The following ZSWIM9 variants were observed in gnomAD, a reference collection of about 807,000 sequenced individuals.
ZSWIM9 encodes zinc finger SWIM-type containing 9.
A neutral mutation model predicts 25.0 loss-of-function variants in ZSWIM9; 11 were observed. The ratio of observed to expected loss-of-function variants is 0.44; its 90% CI spans 0.28 to 0.73. The LOEUF is 0.73. Ranked by LOEUF, ZSWIM9 falls within the 30% of genes least tolerant of loss-of-function variation. The pLI is 0.16. For missense variants in ZSWIM9, 1,070 were observed against 1,296.5 expected, an observed-to-expected ratio of 0.83 and a Z score of 2.68; for synonymous variants, 562 against 582.1, an observed-to-expected ratio of 0.97 and a Z score of 0.50.
intron 2 of ZSWIM9, among the ~76,000 whole-genome samples, chr19:48,177,291 C>T (rs929094954): frequency 1.3e-5 from 2 of 151,920 alleles, no homozygotes; most frequent in Admixed American, 6.6e-5. Flanking sequence ...ATGGGTAGGA[C>T]GTGGTGATGG....
At chr19:48,183,417 A>G (rs1055160647) in intron 3 of ZSWIM9, among the ~76,000 whole-genome samples, 6 of 151,964 alleles carry the variant, frequency 3.9e-5, no homozygotes, top group East Asian at 1.9e-4. Context: ...GAGAGCCACC[A>G]CGCCCGGCCT....
At position 48,195,911 on chromosome 19, in the gene ZSWIM9, A is replaced by C; in HGVS notation, c.1847A>C (p.Tyr616Ser). The C allele has an allele frequency of 1.4e-6, 2 of 1,384,080 alleles. No individual in the cohort carries two copies. The highest frequency in any genetic ancestry group is 1.9e-6 in the Non-Finnish European group (2 of 1,073,796). The allele number at this position is 1,384,080 out of a possible 1,614,324, so 85.7% of individuals were successfully genotyped here. A position where few individuals can be genotyped will look rare whatever the true frequency, so the allele number is the denominator to read the frequency against. Residue 616 changes from tyrosine (Y) to serine (S), a missense_variant, in exon 4 of 4, where the codon TAT (tyrosine) becomes TCT (serine). Around this residue, in one of 4 missense-constraint regions of ZSWIM9, gnomAD observed 583 missense variants for 624.7 expected, o/e 0.93. Coordinates refer to ENST00000614654, the MANE Select transcript of ZSWIM9 (RefSeq NM_199341.4). This position sits in a 1 kb window ranked among gnomAD's most constrained non-coding sequence, Gnocchi z 5.8. ...TTDLRGTQFDYERVRSLEGSP... is the reference protein window; with the variant it reads ...TTDLRGTQFDSERVRSLEGSP... ...GACCTGAGGGGGACCCAGTTTGACT[A>C]TGAGAGGGTCAGGAGTCTTGAAGGA...
At chr19:48,188,216 G>A (rs1467856936) in intron 3 of ZSWIM9, among the ~76,000 whole-genome samples, 2 of 151,864 alleles carry the variant, frequency 1.3e-5, no homozygotes, top group Non-Finnish European at 2.9e-5. Context: ...CACCCAGGGA[G>A]GTGTTAATAC....
intron 2 of ZSWIM9, among the ~76,000 whole-genome samples, chr19:48,174,091 C>T (rs184896993): frequency 6.6e-6 from 1 of 151,894 alleles, no homozygotes; most frequent in Non-Finnish European, 1.5e-5. Context: ...TCTCTGCTGC[C>T]TCATCCCTAG....
At chr19:48,174,057 C>G (rs1210973645) in intron 2 of ZSWIM9, among the ~76,000 whole-genome samples, 1 of 151,980 alleles carries the variant, frequency 6.6e-6, no homozygotes, top group Non-Finnish European at 1.5e-5. Flanking sequence ...CTTTGCTGCC[C>G]AGGTTTGCCC....
rs1021411088 is a variant in ZSWIM9 at position 48,197,523 on chromosome 19, G to A, written c.*696G>A. 5.7e-5 allele frequency: 30 copies of A among 525,994 alleles called. No homozygotes were observed. The highest frequency in any genetic ancestry group is 5.0e-4 in the African/African-American group (26 of 52,072). The allele number at this position is 525,994 out of a possible 1,614,324, so 32.6% of individuals were successfully genotyped here. ...CCCCCATCGCCTTCTGAAGAGAGAG[G>A]GAGGGCGGGCACTGGGGGTCAGGAG... On this transcript the variant is annotated 3_prime_UTR_variant, in exon 4 of 4. Coordinates refer to ENST00000614654, the MANE Select transcript of ZSWIM9 (RefSeq NM_199341.4).
rs772914578 is a variant in ZSWIM9, at chr19:48,195,497, G to C, written c.1433G>C (p.Gly478Ala). ...AGGGGCCTGGAGACAGGCGACTGGG[G>C]AGGGGCTCCGAAAGAAGGAAGTATT... Reference protein sequence around the residue: ...RVRGLETGDWGGAPKEGSIWR... With the variant: ...RVRGLETGDWAGAPKEGSIWR... Residue 478 changes from glycine (G) to alanine (A), a missense_variant, in exon 4 of 4, where the codon GGA (glycine) becomes GCA (alanine). Coordinates refer to ENST00000614654, the MANE Select transcript of ZSWIM9 (RefSeq NM_199341.4). This position sits in a 1 kb window ranked among gnomAD's most constrained non-coding sequence, Gnocchi z 5.8. 2.5e-5 allele frequency: 36 copies of C among 1,414,290 alleles called. 1 individual carries two copies. In the South Asian group the frequency reaches 2.8e-4, roughly 11 times the overall value. 87.6% of individuals were successfully genotyped at this position (1,414,290 alleles called of 1,614,324 possible).
chr19:48,177,691 C>G (rs1212895039), intron 2 of ZSWIM9, among the ~76,000 whole-genome samples: 2 of 152,076 alleles, frequency 1.3e-5, no homozygotes, highest in African/African-American at 4.8e-5. Flanking sequence ...AACACCTAGG[C>G]TGAAGGAAGT....
Position 48,195,582 on chromosome 19 carries a change from C to T in ZSWIM9, c.1518C>T (p.Gly506=). The change falls in exon 4 of 4, where the codon GGC becomes GGT. Residue 506 remains glycine, a synonymous_variant. Transcript: ENST00000614654. The surrounding 1 kb of genome is among the most constrained non-coding windows in gnomAD (Gnocchi z 5.8). ...GGGCACTGGAAACCAGAGACTGGGGCGGGGCTCAGTTCGAAGGTGAGAAGG... is the reference window on the plus strand; with the variant it reads ...GGGCACTGGAAACCAGAGACTGGGGTGGGGCTCAGTTCGAAGGTGAGAAGG... ...WARALETRDW[G]GAQFEGEKGR... The T allele has an allele frequency of 7.1e-7, 1 of 1,413,038 alleles. No homozygotes were observed. The highest frequency in any genetic ancestry group is 9.2e-7 in the Non-Finnish European group (1 of 1,089,170). The allele number at this position is 1,413,038 out of a possible 1,614,324, so 87.5% of individuals were successfully genotyped here.
chr19:48,180,042 GT>G (rs1164286457), intron 2 of ZSWIM9, among the ~76,000 whole-genome samples: 10 of 152,092 alleles, frequency 6.6e-5, no homozygotes, highest in African/African-American at 1.9e-4. Context: ...TCTAGACGGA[GT>G]TTTGCTCCTG....
chr19:48,189,365 AAG>A (rs1413324630), intron 3 of ZSWIM9: 10 of 152,220 alleles, frequency 6.6e-5, no homozygotes, highest in Admixed American at 6.5e-4. Context: ...TCAGGAGATC[AAG>A]ACCATCCTGG....
chr19:48,185,161 C>T (rs1160722632), intron 3 of ZSWIM9, among the ~76,000 whole-genome samples: 4 of 136,008 alleles, frequency 2.9e-5, no homozygotes, highest in Non-Finnish European at 4.6e-5. Context: ...TTTTTTGAGA[C>T]GGAGTTTCGC....
chr19:48,179,914 G>A (rs1270360750), intron 2 of ZSWIM9, among the ~76,000 whole-genome samples: 2 of 152,170 alleles, frequency 1.3e-5, no homozygotes, highest in Non-Finnish European at 2.9e-5. Flanking sequence ...TCAAGACATT[G>A]GCAGTGCTGT....
Position 48,196,729 on chromosome 19 carries a change from C to T in ZSWIM9, c.2665C>T (p.Pro889Ser). 5 of 1,233,434 alleles carry T rather than the reference C, an allele frequency of 4.1e-6. No homozygotes were observed. Among genetic ancestry groups the T allele is most frequent in the Non-Finnish European group, 5.1e-6 (5 of 988,928 alleles). The allele number at this position is 1,233,434 out of a possible 1,614,324, so 76.4% of individuals were successfully genotyped here. Residue 889 changes from proline to serine, a missense_variant, in exon 4 of 4, where the codon CCC becomes TCC. By Grantham distance (74) the Pro-to-Ser change is moderately conservative (BLOSUM62 -1). This residue lies in a region of ZSWIM9 where 583 missense variants were observed against 624.7 expected (regional missense o/e 0.93). Coordinates refer to ENST00000614654, the MANE Select transcript of ZSWIM9 (RefSeq NM_199341.4). The part of the protein sequence containing the change: ...SCSIHAARRL[P>S]CRHLFAARLL... Reference sequence around the variant, plus strand: ...CTCAATTCACGCCGCCCGCCGTCTGCCCTGCAGACACCTCTTTGCAGCGCG... The same window carrying T: ...CTCAATTCACGCCGCCCGCCGTCTGTCCTGCAGACACCTCTTTGCAGCGCG...
At chr19:48,183,764 G>A (rs1008865612) in intron 3 of ZSWIM9, among the ~76,000 whole-genome samples, 1 of 150,396 alleles carries the variant, frequency 6.6e-6, no homozygotes, top group African/African-American at 2.5e-5. Flanking sequence ...ATTCTCCCGA[G>A]CAGCTGGGAC....
In ZSWIM9 at chr19:48,177,638, A is replaced by T. The variant is rs146517224; in HGVS notation, c.276-4817A>T. 2.6e-5 allele frequency among the ~76,000 whole-genome samples: 4 copies of T among 152,296 alleles called. No individual in the cohort carries two copies. The East Asian group carries it at 7.7e-4, about 29-fold the overall frequency. On this transcript the variant is annotated intron_variant, in intron 2 of 3. Coordinates refer to ENST00000614654, the MANE Select transcript of ZSWIM9 (RefSeq NM_199341.4). ...TCTGGCAAGATTCATGGCTTCACAG[A>T]AGAGGTGACCTACCCGGAGCAAGGG...
At chr19:48,187,260 A>G (rs1435052726) in intron 3 of ZSWIM9, among the ~76,000 whole-genome samples, 1 of 147,248 alleles carries the variant, frequency 6.8e-6, no homozygotes, top group Non-Finnish European at 1.5e-5. Flanking sequence ...GAGTGAAACT[A>G]GAGAGGTGTT....
Position 48,195,397 on chromosome 19 carries a change from G to A in ZSWIM9, c.1333G>A (p.Glu445Lys), listed in dbSNP as rs886477598. ...CGACGCGGCCGGGGAGGCGGTGCCC[G>A]AGGGGCCCGATGGCGGGGGGCCTTG... ...WADAAGEAVP[E>K]GPDGGGPWLE... The change falls in exon 4 of 4, where the codon GAG becomes AAG. Residue 445 changes from glutamate to lysine, a missense_variant. Transcript: ENST00000614654. The surrounding 1 kb of genome is among the most constrained non-coding windows in gnomAD (Gnocchi z 5.8). 6.1e-6 allele frequency: 9 copies of A among 1,476,660 alleles called. No homozygotes were observed. The Admixed American group carries it at 7.4e-5, about 12-fold the overall frequency. 91.5% of individuals were successfully genotyped at this position (1,476,660 alleles called of 1,614,324 possible). A position where few individuals can be genotyped will look rare whatever the true frequency, so the allele number is the denominator to read the frequency against.
Position 48,195,829 on chromosome 19 carries a change from G to C in ZSWIM9, c.1765G>C (p.Gly589Arg). 1 of 1,475,944 alleles carries C rather than the reference G, an allele frequency of 6.8e-7. No individual in the cohort carries two copies. The highest frequency in any genetic ancestry group is 2.6e-5 in the East Asian group (1 of 38,224). 91.4% of individuals were successfully genotyped at this position (1,475,944 alleles called of 1,614,324 possible). ...CCAGTTGGAGGACCAGGCGCTAAGA[G>C]GATTGGAAGGGTATACCTGGAGGGT... The part of the protein sequence containing the change: ...GSQLEDQALR[G>R]LEGYTWRVAQ... The change falls in exon 4 of 4, where the codon GGA (glycine) becomes CGA (arginine). Residue 589 changes from glycine to arginine, a missense_variant. This residue lies in a region of ZSWIM9 where 583 missense variants were observed against 624.7 expected (regional missense o/e 0.93). Transcript: ENST00000614654. This position sits in a 1 kb window ranked among gnomAD's most constrained non-coding sequence, Gnocchi z 5.8.
Sources: allele counts gnomAD v4.1 joint callset (sites outside exome capture counted in the v4.1 genomes callset), GRCh38; gene constraint gnomAD v4.1.1; regional missense constraint gnomAD v4.1.1; non-coding constraint Gnocchi (gnomAD v3.1); transcripts MANE v1.5; gene names NCBI Gene and HGNC (gene_info 2026-07-23, HGNC 2026-07-21).